ZDHHC22: variants seen among roughly 807,000 people sequenced by gnomAD.
The protein encoded by ZDHHC22 is zDHHC palmitoyltransferase 22.
Under a neutral mutation model 17.0 loss-of-function variants are expected in ZDHHC22, and 13 were observed. That is an observed-to-expected ratio of 0.76 (90% CI 0.50 to 1.21). ZDHHC22 has a LOEUF of 1.21. Among genes scored for constraint, ZDHHC22 ranks in the 50% most tolerant of loss-of-function variants. The pLI, the probability that ZDHHC22 is intolerant of heterozygous loss-of-function variation, is 0.00. For synonymous variants in ZDHHC22, 138 were observed against 154.7 expected (o/e 0.89, Z 0.80); for missense variants, 319 against 342.3 (o/e 0.93, Z 0.54).
intron 2 of ZDHHC22, among the ~76,000 whole-genome samples, chr14:77,136,981 A>G (rs966955085): frequency 2.6e-5 from 4 of 152,166 alleles, no homozygotes; most frequent in African/African-American, 7.2e-5. Flanking sequence ...GAGTCTCACC[A>G]TCTTGCCCAG....
At chr14:77,135,698 G>T (rs995747701) in intron 2 of ZDHHC22, among the ~76,000 whole-genome samples, 1 of 152,206 alleles carries the variant, frequency 6.6e-6, no homozygotes, top group African/African-American at 2.4e-5. Flanking sequence ...GACAGGCAAA[G>T]GTGGCCCTCA....
At chr14:77,139,157 C>T in intron 2 of ZDHHC22, 56 bp downstream of exon 2, 1 of 1,513,182 alleles carries the variant, frequency 6.6e-7, no homozygotes, top group East Asian at 2.5e-5. Flanking sequence ...GCCCGGCAAC[C>T]TTTGGGGTGG....
At position 77,140,264 on chromosome 14, in the gene ZDHHC22, A is replaced by C. The variant is rs2140055369; in HGVS notation, c.-14-512T>G. Among the ~76,000 whole-genome samples, 1 of 152,186 alleles carries C rather than the reference A, an allele frequency of 6.6e-6. No individual in the cohort carries two copies. Among genetic ancestry groups the C allele is most frequent in the African/African-American group, 2.4e-5 (1 of 41,510 alleles). ...TCTCCGTCCCTGCGTCCCCACCCACACACACATCTTGGGCAGCACTCAGGG... is the reference window on the plus strand; with the variant it reads ...TCTCCGTCCCTGCGTCCCCACCCACCCACACATCTTGGGCAGCACTCAGGG... On this transcript the variant is annotated intron_variant, in intron 1 of 2. Coordinates refer to ENST00000319374, the MANE Select transcript of ZDHHC22 (RefSeq NM_174976.2). The surrounding 1 kb of genome is among the most constrained non-coding windows in gnomAD (Gnocchi z 5.9).
intron 2 of ZDHHC22, among the ~76,000 whole-genome samples, chr14:77,137,137 A>G (rs918301751): frequency 1.3e-5 from 2 of 152,174 alleles, no homozygotes; most frequent in African/African-American, 2.4e-5. Context: ...GGGAAAGCCA[A>G]ACAGGTGGGG....
intron 2 of ZDHHC22, among the ~76,000 whole-genome samples, chr14:77,137,093 G>A (rs941002108): frequency 3.3e-5 from 5 of 152,132 alleles, no homozygotes; most frequent in Admixed American, 6.5e-5. Context: ...CCAACTGTTC[G>A]GATTGAGGGT....
At chr14:77,139,148 C>T in intron 2 of ZDHHC22, 65 bp downstream of exon 2, 9 of 1,493,834 alleles carry the variant, frequency 6.0e-6, no homozygotes, top group South Asian at 1.3e-5. Context: ...GGGTTTGGGG[C>T]CCGGCAACCT....
At chr14:77,135,957 C>G (rs907069162) in intron 2 of ZDHHC22, among the ~76,000 whole-genome samples, 8 of 152,230 alleles carry the variant, frequency 5.3e-5, no homozygotes, top group Non-Finnish European at 8.8e-5. Flanking sequence ...CTCCTCTTAA[C>G]TATTTAATAA....
In ZDHHC22 at chr14:77,131,424, T is replaced by C. The variant is rs1323052373; in HGVS notation, c.*2259A>G. Reference sequence around the variant, plus strand: ...GCCAACATCCTGTAGGTCTCCCTGTTGCCCTTCCCCAGGATGTCAGGCCTC... The same window carrying C: ...GCCAACATCCTGTAGGTCTCCCTGTCGCCCTTCCCCAGGATGTCAGGCCTC... On this transcript the variant is annotated 3_prime_UTR_variant, in exon 3 of 3. Transcript: ENST00000319374. 6.6e-6 allele frequency: 1 copy of C among 152,274 alleles called. No homozygotes were observed. Among genetic ancestry groups the C allele is most frequent in the African/African-American group, 2.4e-5 (1 of 41,464 alleles). 9.4% of individuals were successfully genotyped at this position (152,274 alleles called of 1,614,324 possible).
chr14:77,133,610 G>A lies in ZDHHC22; in HGVS notation c.*73C>T. On this transcript the variant is annotated 3_prime_UTR_variant, in exon 3 of 3. Transcript: ENST00000319374. ...AAGGTTGTAGTGAGTCATGGGTGGA[G>A]ACAAGGCTGCCATGGTTTTATGCTC... 1 of 1,550,726 alleles carries A rather than the reference G, an allele frequency of 6.4e-7. No homozygotes were observed. The highest frequency in any genetic ancestry group is 8.7e-7 in the Non-Finnish European group (1 of 1,147,346).
chr14:77,139,639 T>G lies in ZDHHC22; in HGVS notation c.100A>C (p.Met34Leu). ...VLQLFLFLPSMREDPAAARLF... is the reference protein window; with the variant it reads ...VLQLFLFLPSLREDPAAARLF... ...CGGGCGGCCGCGGGGTCCTCGCGCA[T>G]GCTGGGCAGGAAGAGGAAGAGCTGC... The change falls in exon 2 of 3, where the codon ATG becomes CTG. Residue 34 changes from methionine (M) to leucine (L), a missense_variant. Coordinates refer to ENST00000319374, the MANE Select transcript of ZDHHC22 (RefSeq NM_174976.2). 6.3e-7 allele frequency: 1 copy of G among 1,578,834 alleles called. No individual in the cohort carries two copies. The highest frequency in any genetic ancestry group is 8.6e-7 in the Non-Finnish European group (1 of 1,162,354).
chr14:77,135,661 A>G (rs949252101), intron 2 of ZDHHC22, among the ~76,000 whole-genome samples: 1 of 152,144 alleles, frequency 6.6e-6, no homozygotes, highest in Non-Finnish European at 1.5e-5. Flanking sequence ...TCCCAGGTCC[A>G]TGGTGCTCTT....
rs575368743 is a variant in ZDHHC22 at position 77,131,771 on chromosome 14, T to C, written c.*1912A>G. The C allele has an allele frequency of 6.6e-6, 1 of 152,360 alleles. No homozygotes were observed. The highest frequency in any genetic ancestry group is 2.4e-5 in the African/African-American group (1 of 41,576). 9.4% of individuals were successfully genotyped at this position (152,360 alleles called of 1,614,324 possible). A position where few individuals can be genotyped will look rare whatever the true frequency, so the allele number is the denominator to read the frequency against. On this transcript the variant is annotated 3_prime_UTR_variant, in exon 3 of 3. Coordinates refer to ENST00000319374, the MANE Select transcript of ZDHHC22 (RefSeq NM_174976.2). ...ACAGACGGCAGTGACAAGGTGCCCC[T>C]GATGGCATGAATCTTGTCATCCTGT... is the stretch of plus-strand genomic sequence containing the variant.
intron 2 of ZDHHC22, among the ~76,000 whole-genome samples, chr14:77,138,567 A>C (rs1042731446): frequency 3.7e-4 from 56 of 151,982 alleles, no homozygotes; most frequent in Non-Finnish European, 6.3e-4. Flanking sequence ...GTCTTAAAAA[A>C]AAAAAACAAA....
chr14:77,138,036 T>C (rs1361508801), intron 2 of ZDHHC22, among the ~76,000 whole-genome samples: 2 of 152,112 alleles, frequency 1.3e-5, no homozygotes, highest in Non-Finnish European at 2.9e-5. Context: ...GGTTTCATCA[T>C]CTGAGAAATG....
At chr14:77,137,156 A>G (rs1190939045) in intron 2 of ZDHHC22, among the ~76,000 whole-genome samples, 1 of 152,148 alleles carries the variant, frequency 6.6e-6, no homozygotes, top group Non-Finnish European at 1.5e-5. Context: ...GGTGTATGTC[A>G]TGGGAGGGAA....
intron 1 of ZDHHC22, chr14:77,141,113 G>C (rs1566813278): frequency 6.6e-6 from 1 of 152,378 alleles, no homozygotes; most frequent in East Asian, 1.9e-4. Flanking sequence ...GGGGCGCAGC[G>C]CAGTGCACGC....
rs1179690478 is a variant in ZDHHC22 at position 77,131,625 on chromosome 14, T to G, written c.*2058A>C. 1 of 152,220 alleles carries G rather than the reference T, an allele frequency of 6.6e-6. No homozygotes were observed. The highest frequency in any genetic ancestry group is 6.5e-5 in the Admixed American group (1 of 15,284). The allele number at this position is 152,220 out of a possible 1,614,324, so 9.4% of individuals were successfully genotyped here. ...AAAATGCCCCCAGCGACTCCTCCAT[T>G]GAGGCAGCCTAGGCTTCCCCTCTTC... On this transcript the variant is annotated 3_prime_UTR_variant, in exon 3 of 3. Coordinates refer to ENST00000319374, the MANE Select transcript of ZDHHC22 (RefSeq NM_174976.2).
intron 2 of ZDHHC22, among the ~76,000 whole-genome samples, chr14:77,136,128 C>T (rs1887131460): frequency 6.6e-6 from 1 of 152,296 alleles, no homozygotes; most frequent in African/African-American, 2.4e-5. Context: ...AAGTAGCTGC[C>T]TCCCTTCCAA....
At chr14:77,136,688 G>A (rs1011320377) in intron 2 of ZDHHC22, among the ~76,000 whole-genome samples, 3 of 152,186 alleles carry the variant, frequency 2.0e-5, no homozygotes, top group African/African-American at 7.2e-5. Context: ...TAGCTCTCAA[G>A]GCCCAAACTC....
Sources: gnomAD v4.1 joint callset for allele counts (sites outside exome capture counted in the v4.1 genomes callset) on GRCh38, gnomAD v4.1.1 for gene constraint, Gnocchi (gnomAD v3.1) non-coding constraint, MANE v1.5 for transcripts, NCBI Gene and HGNC (gene_info 2026-07-23, HGNC 2026-07-21) for gene names.